Variants in RBM33 observed in about 807,000 individuals in gnomAD.
RBM33 encodes the protein RNA binding motif protein 33, also known as RNA-binding protein 33.
Under a neutral mutation model 132.6 loss-of-function variants are expected in RBM33, and 28 were observed. The ratio of observed to expected loss-of-function variants is 0.21; its 90% CI spans 0.16 to 0.29. The LOEUF (loss-of-function observed/expected upper bound fraction) is 0.29. Among genes scored for constraint, RBM33 ranks in the 10% least tolerant of loss-of-function variants. The pLI is 1.00. For missense variants in RBM33, 1,291 were observed against 1,518.5 expected, an observed-to-expected ratio of 0.85 and a Z score of 2.49; for synonymous variants, 634 against 593.0, an observed-to-expected ratio of 1.07 and a Z score of -1.01.
At chr7:155,752,957 T>G (rs1483942134) in intron 14 of RBM33, among the ~76,000 whole-genome samples, 1 of 152,056 alleles carries the variant, frequency 6.6e-6, no homozygotes, top group African/African-American at 2.4e-5. Context: ...CTTACCTGAG[T>G]GGGGTTTTGG....
chr7:155,673,940 G>GTTGTTGTTTTTTTTTTT lies in RBM33; in HGVS notation c.171+1027_171+1028insGTTGTTTTTTTTTTTTT. Among the ~76,000 whole-genome samples, 25 of 54,194 alleles carry GTTGTTGTTTTTTTTTTT rather than the reference G, an allele frequency of 4.6e-4. 1 individual carries two copies. The highest frequency in any genetic ancestry group is 1.5e-3 in the African/African-American group (18 of 12,124). The allele number at this position is 54,194 out of a possible 152,430, so 35.6% of individuals were successfully genotyped here. ...TCATTATCAAGATAGTTTAGGCTTA[G>GTTGTTGTTTTTTTTTTT]TTTTTTTTTTTTTTTTTTTTTTTTT... is the stretch of plus-strand genomic sequence containing the variant. On this transcript the variant is annotated intron_variant, in intron 3 of 17. Coordinates refer to ENST00000401878, the MANE Select transcript of RBM33 (RefSeq NM_053043.3).
rs1585386464 is a variant in RBM33 at position 155,644,723 on chromosome 7, C to G, written c.-154C>G. The stretch of plus-strand genomic sequence containing the variant: ...TTTTCTTCCTGCGGAGGCGAAGGGC[C>G]AGCTGTGGACCGCGAAGCGCCCGGC... On this transcript the variant is annotated 5_prime_UTR_variant, in exon 1 of 18. Coordinates refer to ENST00000401878, the MANE Select transcript of RBM33 (RefSeq NM_053043.3). The G allele has an allele frequency of 1.9e-5, 10 of 537,314 alleles. No individual in the cohort carries two copies. The East Asian group carries it at 3.5e-4, about 19-fold the overall frequency. 33.3% of individuals were successfully genotyped at this position (537,314 alleles called of 1,614,324 possible).
At position 155,677,894 on chromosome 7, in the gene RBM33, A is replaced by ACATATAAG. The variant is rs145770448; in HGVS notation, c.172-713_172-706dup. Reference sequence around the variant, plus strand: ...GTAGTAATTTACATATACCATTTATACATATAAGTAATTTTAAAAAGGGAG... The same window carrying ACATATAAG: ...GTAGTAATTTACATATACCATTTATACATATAAGCATATAAGTAATTTTAAAAAGGGAG... On this transcript the variant is annotated intron_variant, in intron 3 of 17. Coordinates refer to ENST00000401878, the MANE Select transcript of RBM33 (RefSeq NM_053043.3). Among the ~76,000 whole-genome samples the ACATATAAG allele has an allele frequency of 1.8e-3, 279 of 152,324 alleles. 2 individuals are homozygous for ACATATAAG. Among genetic ancestry groups the ACATATAAG allele is most frequent in the African/African-American group, 6.4e-3 (266 of 41,572 alleles).
chr7:155,759,289 T>G (rs1245136203), intron 14 of RBM33, among the ~76,000 whole-genome samples: 2 of 152,194 alleles, frequency 1.3e-5, no homozygotes, highest in African/African-American at 4.8e-5. Context: ...TTTAGAAATT[T>G]ATTTTTCAGA....
intron 1 of RBM33, among the ~76,000 whole-genome samples, chr7:155,649,326 A>G (rs1418249723): frequency 1.3e-5 from 2 of 152,202 alleles, no homozygotes; most frequent in Admixed American, 6.5e-5. Flanking sequence ...ATAAGCCTGT[A>G]AGCCTCATGA....
Position 155,741,172 on chromosome 7 carries a change from G to A in RBM33, c.2050-647G>A, listed in dbSNP as rs1197740833. ...ATGGTAGGCTAGTCTCATGACCCTC[G>A]TGCACTGGGATATTTGACCTGCGGG... On this transcript the variant is annotated intron_variant, in intron 12 of 17. Coordinates refer to ENST00000401878, the MANE Select transcript of RBM33 (RefSeq NM_053043.3). 3.3e-5 allele frequency among the ~76,000 whole-genome samples: 5 copies of A among 152,186 alleles called. No homozygotes were observed. The East Asian group carries it at 5.8e-4, about 18-fold the overall frequency.
intron 14 of RBM33, among the ~76,000 whole-genome samples, chr7:155,760,714 A>G (rs1802006685): frequency 6.6e-6 from 1 of 152,250 alleles, no homozygotes; most frequent in South Asian, 2.1e-4. Flanking sequence ...AATTTCAAGC[A>G]TGTATAAAAC....
rs1330679821 is a variant in RBM33 at position 155,763,885 on chromosome 7, C to T, written c.3053C>T (p.Pro1018Leu). Residue 1018 changes from proline to leucine, a missense_variant, in exon 15 of 18, where the codon CCA (proline) becomes CTA (leucine). By Grantham distance (98) the Pro-to-Leu change is moderately conservative (BLOSUM62 -3). Around this residue, in one of 7 missense-constraint regions of RBM33, gnomAD observed 841 missense variants for 912.0 expected, o/e 0.92. Coordinates refer to ENST00000401878, the MANE Select transcript of RBM33 (RefSeq NM_053043.3). ...CTTCCCCAGCCTCCGGAAGTGGGACCACAGCCTGCCCGCAAGGTGACGCTG... is the reference window on the plus strand; with the variant it reads ...CTTCCCCAGCCTCCGGAAGTGGGACTACAGCCTGCCCGCAAGGTGACGCTG... ...QRLPQPPEVG[P>L]QPARKVTLTR... is the part of the protein sequence containing the mutation. 9.9e-6 allele frequency: 16 copies of T among 1,611,230 alleles called. No homozygotes were observed. The highest frequency in any genetic ancestry group is 1.3e-5 in the African/African-American group (1 of 74,906).
intron 1 of RBM33, among the ~76,000 whole-genome samples, chr7:155,663,364 G>T (rs1033696822): frequency 5.9e-5 from 9 of 152,118 alleles, no homozygotes; most frequent in South Asian, 4.2e-4. Context: ...GTCAGCGCCT[G>T]CTCAGTTTCT....
At chr7:155,725,148 G>A (rs1301106320) in intron 9 of RBM33, among the ~76,000 whole-genome samples, 4 of 150,042 alleles carry the variant, frequency 2.7e-5, no homozygotes, top group Non-Finnish European at 5.9e-5. Flanking sequence ...TTCAGTTGAC[G>A]TAGCTGCTGA....
At chr7:155,668,361 G>A (rs759099289) in intron 2 of RBM33, among the ~76,000 whole-genome samples, 24 of 152,162 alleles carry the variant, frequency 1.6e-4, no homozygotes, top group Non-Finnish European at 3.4e-4. Context: ...TGTTGAAGAA[G>A]CAAGGTAGCG....
intron 8 of RBM33, among the ~76,000 whole-genome samples, chr7:155,713,255 T>C (rs565198064): frequency 6.6e-6 from 1 of 152,116 alleles, no homozygotes; most frequent in African/African-American, 2.4e-5. Context: ...TAGTAGGCAG[T>C]TGGATGAGAA....
At chr7:155,648,163 AC>A (rs1798254378) in intron 1 of RBM33, among the ~76,000 whole-genome samples, 2 of 152,276 alleles carry the variant, frequency 1.3e-5, no homozygotes, top group African/African-American at 4.8e-5. Context: ...GAACCCACAT[AC>A]CCATCACCTA....
rs943474799 is a variant in RBM33 at position 155,711,300 on chromosome 7, A to C, written c.1046A>C (p.His349Pro). The change falls in exon 8 of 18, where the codon CAC becomes CCC. Residue 349 changes from histidine (H) to proline (P), a missense_variant. By Grantham distance (77) the His-to-Pro change is moderately conservative (BLOSUM62 -2). Around this residue, in one of 7 missense-constraint regions of RBM33, gnomAD observed 146 missense variants for 137.1 expected, o/e 1.07. Coordinates refer to ENST00000401878, the MANE Select transcript of RBM33 (RefSeq NM_053043.3). ...QPLQPLLPVQ[H>P]PHHPSPPQGM... The stretch of plus-strand genomic sequence containing the variant: ...CTGCAGCCGCTGCTTCCGGTGCAGC[A>C]CCCGCACCACCCATCCCCGCCTCAG... 6.2e-7 allele frequency: 1 copy of C among 1,607,170 alleles called. No individual in the cohort carries two copies. The highest frequency in any genetic ancestry group is 8.5e-7 in the Non-Finnish European group (1 of 1,176,940).
intron 2 of RBM33, among the ~76,000 whole-genome samples, chr7:155,671,622 T>C (rs1289497130): frequency 6.6e-6 from 1 of 152,230 alleles, no homozygotes; most frequent in East Asian, 1.9e-4. Context: ...GGTAAAATAA[T>C]GGTTTTGCTG....
intron 14 of RBM33, among the ~76,000 whole-genome samples, chr7:155,747,442 T>C (rs942751724): frequency 1.3e-5 from 2 of 152,236 alleles, no homozygotes; most frequent in African/African-American, 4.8e-5. Flanking sequence ...ATGGCCGATG[T>C]AGAGGGCTGC....
intron 1 of RBM33, among the ~76,000 whole-genome samples, chr7:155,660,155 C>T (rs1349644974): frequency 6.6e-6 from 1 of 152,176 alleles, no homozygotes; most frequent in African/African-American, 2.4e-5. Flanking sequence ...CTGACTACAC[C>T]CTCTGCCTCC....
chr7:155,661,097 G>T (rs867691032), intron 1 of RBM33, among the ~76,000 whole-genome samples: 25 of 110,162 alleles, frequency 2.3e-4, no homozygotes, highest in African/African-American at 6.6e-4. Context: ...GTGTGTGTGT[G>T]GTGTGTGTGT....
chr7:155,679,731 AT>A (rs1799286156), intron 4 of RBM33, among the ~76,000 whole-genome samples: 2 of 152,196 alleles, frequency 1.3e-5, no homozygotes, highest in South Asian at 4.1e-4. Flanking sequence ...TCACTGTTAT[AT>A]TTTAATCTTT....
Sources: allele counts gnomAD v4.1 joint callset (sites outside exome capture counted in the v4.1 genomes callset), GRCh38; gene constraint gnomAD v4.1.1; regional missense constraint gnomAD v4.1.1; transcripts MANE v1.5; gene names NCBI Gene and HGNC (gene_info 2026-07-23, HGNC 2026-07-21).